The following USP3 variants were observed in gnomAD, a reference collection of about 807,000 sequenced individuals.
USP3 encodes ubiquitin specific peptidase 3.
In USP3, 20 loss-of-function variants were observed where a neutral mutation model predicts 72.3. That is an observed-to-expected ratio of 0.28 (90% CI 0.19 to 0.40). The LOEUF (loss-of-function observed/expected upper bound fraction) is 0.40, where lower values mean the gene tolerates loss of function less well. Among genes scored for constraint, USP3 ranks in the 10% least tolerant of loss-of-function variants. The probability of loss-of-function intolerance (pLI) is 1.00; values close to 1 mark genes in which losing one functional copy is unlikely to be tolerated. For missense variants in USP3, 479 were observed against 633.9 expected (o/e 0.76, Z 2.62); for synonymous variants, 222 against 225.3 (o/e 0.99, Z 0.13).
At chr15:63,575,071 G>A (rs543746307) in intron 11 of USP3, among the ~76,000 whole-genome samples, 6 of 151,362 alleles carry the variant, frequency 4.0e-5, no homozygotes, top group Non-Finnish European at 8.8e-5. Flanking sequence ...ACTCTACACT[G>A]AAGCTAACAG....
At chr15:63,525,637 G>A (rs1393020185) in intron 1 of USP3, among the ~76,000 whole-genome samples, 1 of 152,192 alleles carries the variant, frequency 6.6e-6, no homozygotes, top group Non-Finnish European at 1.5e-5. Context: ...ATAGATAGAA[G>A]AGACTTCTGA....
Position 63,588,169 on chromosome 15 carries a change from G to T in USP3, c.1097-136G>T. ...AGGTATTATTTTTTGTCTCCAGTTT[G>T]CAATTGAGAAAGGTTAACTTTTCTA... is the stretch of plus-strand genomic sequence containing the variant. On this transcript the variant is annotated intron_variant, in intron 11 of 14. Coordinates refer to ENST00000380324, the MANE Select transcript of USP3 (RefSeq NM_006537.4). This position sits in a 1 kb window ranked among gnomAD's most constrained non-coding sequence, Gnocchi z 4.6. 1 of 587,672 alleles carries T rather than the reference G, an allele frequency of 1.7e-6. No homozygotes were observed. Among genetic ancestry groups the T allele is most frequent in the African/African-American group, 1.9e-5 (1 of 52,952 alleles). The allele number at this position is 587,672 out of a possible 1,614,324, so 36.4% of individuals were successfully genotyped here.
chr15:63,584,791 T>C (rs2067028194), intron 11 of USP3, among the ~76,000 whole-genome samples: 1 of 152,240 alleles, frequency 6.6e-6, no homozygotes, highest in Admixed American at 6.5e-5. Context: ...TATTTTTTCT[T>C]TTGTTGCCTG....
Position 63,590,926 on chromosome 15 carries a change from A to T in USP3, c.*100A>T. 2.2e-6 allele frequency: 3 copies of T among 1,375,598 alleles called. No homozygotes were observed. The highest frequency in any genetic ancestry group is 1.9e-6 in the Non-Finnish European group (2 of 1,047,270). 85.2% of individuals were successfully genotyped at this position (1,375,598 alleles called of 1,614,324 possible). ...ATTTAATTTCATTATGCACTTTTCA[A>T]TTTCCTATTTTGGATTTAGTTTTGT... On this transcript the variant is annotated 3_prime_UTR_variant, in exon 15 of 15. Coordinates refer to ENST00000380324, the MANE Select transcript of USP3 (RefSeq NM_006537.4).
In USP3 at chr15:63,507,758, G is replaced by T. The variant is rs575493152; in HGVS notation, c.91+2928G>T. 4.1e-4 allele frequency among the ~76,000 whole-genome samples: 63 copies of T among 152,178 alleles called. 1 individual carries two copies. The highest frequency in any genetic ancestry group is 2.6e-4 in the Admixed American group (4 of 15,282). Reference sequence around the variant, plus strand: ...GTGGTTCTTACACTTTTTGATCTTAGGACCCCTTTACACTCTTAAAAATTG... The same window carrying T: ...GTGGTTCTTACACTTTTTGATCTTATGACCCCTTTACACTCTTAAAAATTG... On this transcript the variant is annotated intron_variant, in intron 1 of 14. Transcript: ENST00000380324.
At position 63,574,079 on chromosome 15, in the gene USP3, C is replaced by T. The variant is rs61751107; in HGVS notation, c.942C>T (p.Phe314=). Residue 314 remains phenylalanine, a synonymous_variant, in exon 10 of 15, where the codon TTC becomes TTT. Coordinates refer to ENST00000380324, the MANE Select transcript of USP3 (RefSeq NM_006537.4). This position sits in a 1 kb window ranked among gnomAD's most constrained non-coding sequence, Gnocchi z 4.6. Reference sequence around the variant, plus strand: ...CATCTACTGTTGTCACGGCTATATTCGGAGGCATTCTCCAAAATGAGGTTA... The same window carrying T: ...CATCTACTGTTGTCACGGCTATATTTGGAGGCATTCTCCAAAATGAGGTTA... ...NGASTVVTAI[F]GGILQNEVNC... is the part of the protein sequence containing the mutation. The T allele has an allele frequency of 0.018, 28,365 of 1,596,756 alleles. 298 individuals are homozygous for T. The highest frequency in any genetic ancestry group is 0.026 in the South Asian group (2,276 of 86,848).
chr15:63,590,057 G>A (rs185632663), intron 14 of USP3, among the ~76,000 whole-genome samples: 4 of 152,154 alleles, frequency 2.6e-5, no homozygotes, highest in East Asian at 3.9e-4. Context: ...TGTTCTTCCC[G>A]GTATTTCTTT....
Position 63,547,866 on chromosome 15 carries a change from TAGAGAGAG to T in USP3, c.285-5826_285-5819del, listed in dbSNP as rs112905081. Among the ~76,000 whole-genome samples the T allele has an allele frequency of 8.0e-3, 168 of 20,884 alleles. 7 individuals are homozygous for T. The highest frequency in any genetic ancestry group is 0.013 in the Non-Finnish European group (142 of 10,602). 13.7% of individuals were successfully genotyped at this position (20,884 alleles called of 152,430 possible). A position where few individuals can be genotyped will look rare whatever the true frequency, so the allele number is the denominator to read the frequency against. On this transcript the variant is annotated intron_variant, in intron 3 of 14. Transcript: ENST00000380324. ...GGAGGGAGAGAGAGAGAGAGAGGCA[TAGAGAGAG>T]AGAGAGAGAGAGAGAGAGAGAGGCA...
In USP3 at chr15:63,586,946, T is replaced by C. The variant is rs923757937; in HGVS notation, c.1097-1359T>C. 7.0e-4 allele frequency among the ~76,000 whole-genome samples: 106 copies of C among 152,278 alleles called. 1 individual carries two copies. The highest frequency in any genetic ancestry group is 2.5e-3 in the African/African-American group (104 of 41,562). The stretch of plus-strand genomic sequence containing the variant: ...CAGGCAACAAAGGCATATTCAAGAC[T>C]GTCTAGTCCTCTGCCACACCTTGCC... On this transcript the variant is annotated intron_variant, in intron 11 of 14. Coordinates refer to ENST00000380324, the MANE Select transcript of USP3 (RefSeq NM_006537.4).
At chr15:63,545,457 A>G (rs1042486874) in intron 3 of USP3, among the ~76,000 whole-genome samples, 1 of 152,170 alleles carries the variant, frequency 6.6e-6, no homozygotes, top group Non-Finnish European at 1.5e-5. Context: ...ACCCAAGATG[A>G]TAATGTTACT....
At chr15:63,507,567 T>G (rs1056857333) in intron 1 of USP3, among the ~76,000 whole-genome samples, 1 of 152,148 alleles carries the variant, frequency 6.6e-6, no homozygotes, top group Non-Finnish European at 1.5e-5. Context: ...CAAAGCCCAT[T>G]AAATGGGGAC....
chr15:63,579,303 A>G (rs1405546676), intron 11 of USP3, among the ~76,000 whole-genome samples: 1 of 152,226 alleles, frequency 6.6e-6, no homozygotes, highest in Non-Finnish European at 1.5e-5. Context: ...CTCTGTACGC[A>G]GAAATTCTCA....
intron 1 of USP3, among the ~76,000 whole-genome samples, chr15:63,522,343 C>T (rs1400703057): frequency 6.6e-6 from 1 of 152,208 alleles, no homozygotes; most frequent in East Asian, 1.9e-4. Flanking sequence ...TAAATGATCC[C>T]CTCAGCCTAG....
Position 63,559,432 on chromosome 15 carries a change from A to G in USP3, c.534-425A>G, listed in dbSNP as rs2066567876. ...GCTTATCTCTTCTTGCTCAAAGAGG[A>G]AATTATAATTACTACTGAATTCTCC... On this transcript the variant is annotated intron_variant, in intron 6 of 14. Transcript: ENST00000380324. Among the ~76,000 whole-genome samples the G allele has an allele frequency of 3.3e-5, 5 of 152,212 alleles. No homozygotes were observed. In the South Asian group the frequency reaches 1.0e-3, roughly 32 times the overall value.
chr15:63,575,494 C>T (rs2066848612), intron 11 of USP3, among the ~76,000 whole-genome samples: 1 of 152,162 alleles, frequency 6.6e-6, no homozygotes, highest in Non-Finnish European at 1.5e-5. Flanking sequence ...CAGGTCGTTT[C>T]TAGAAATCTG....
At chr15:63,530,793 A>G (rs898689048) in intron 1 of USP3, among the ~76,000 whole-genome samples, 1 of 152,210 alleles carries the variant, frequency 6.6e-6, no homozygotes. Flanking sequence ...AACTGTAAAA[A>G]CATCATATTC....
chr15:63,515,476 A>C (rs2065839065), intron 1 of USP3: 2 of 152,252 alleles, frequency 1.3e-5, no homozygotes, highest in Non-Finnish European at 2.9e-5. Context: ...CAGCAGGACC[A>C]GATGCCCCTC....
At position 63,593,611 on chromosome 15, in the gene USP3, T is replaced by C. The variant is rs3210904; in HGVS notation, c.*2785T>C. On this transcript the variant is annotated 3_prime_UTR_variant, in exon 15 of 15. Coordinates refer to ENST00000380324, the MANE Select transcript of USP3 (RefSeq NM_006537.4). ...TGAATTTGTTTTTATTGGTTGGTTT[T>C]ACTTGAACAGAAACGTTTGAATGGT... 0.5 allele frequency: 75,440 copies of C among 152,206 alleles called. 19,595 individuals are homozygous for C. Among genetic ancestry groups the C allele is most frequent in the Non-Finnish European group, 0.56 (37,854 of 68,004 alleles). The allele number at this position is 152,206 out of a possible 1,614,324, so 9.4% of individuals were successfully genotyped here.
intron 2 of USP3, among the ~76,000 whole-genome samples, chr15:63,534,244 G>A (rs2066120156): frequency 6.6e-6 from 1 of 152,066 alleles, no homozygotes; most frequent in Non-Finnish European, 1.5e-5. Context: ...ATAGCTGATT[G>A]GTTAATATTC....
Sources: gnomAD v4.1 joint callset for allele counts (sites outside exome capture counted in the v4.1 genomes callset) on GRCh38, gnomAD v4.1.1 for gene constraint, Gnocchi (gnomAD v3.1) non-coding constraint, MANE v1.5 for transcripts, NCBI Gene and HGNC (gene_info 2026-07-23, HGNC 2026-07-21) for gene names.